The following DMD variants were observed in gnomAD, a reference collection of about 807,000 sequenced individuals.
The protein encoded by DMD is mutant dystrophin.
In DMD, 63 loss-of-function variants were observed where a neutral mutation model predicts 330.1. That is an observed-to-expected ratio of 0.19 (90% CI 0.16 to 0.24). DMD has a LOEUF of 0.24. DMD is among the 10% of genes least tolerant of loss of function. The pLI, the probability that DMD is intolerant of heterozygous loss-of-function variation, is 1.00. For missense variants in DMD, 3,344 were observed against 2,684.1 expected (o/e 1.25, Z -5.43); for synonymous variants, 1,223 against 959.8 (o/e 1.27, Z -5.07).
At chrX:33,113,302 A>C (rs1415746591) in intron 1 of DMD, among the ~76,000 whole-genome samples, 1 of 110,463 alleles carries the variant, frequency 9.1e-6, no homozygotes, top group East Asian at 2.9e-4. Context: ...GGTGATCCGC[A>C]CGCCTCAGCC....
chrX:32,735,971 G>C (rs1357562234), intron 7 of DMD, among the ~76,000 whole-genome samples: 1 of 111,529 alleles, frequency 9.0e-6, no homozygotes, highest in East Asian at 2.8e-4. Context: ...CCATCAGAGT[G>C]AACAGGCAAC....
intron 44 of DMD, among the ~76,000 whole-genome samples, chrX:32,190,585 T>TATATATATATATATATATA (rs1569549819): frequency 2.2e-4 from 21 of 94,283 alleles, no homozygotes; most frequent in South Asian, 5.1e-4. Flanking sequence ...TATATATATA[T>TATATATATATATATATATA]TTCACCACAA....
At chrX:33,256,732 G>GA (rs1476596905) in intron 1 of DMD, among the ~76,000 whole-genome samples, 2 of 109,595 alleles carry the variant, frequency 1.8e-5, no homozygotes, top group African/African-American at 6.6e-5. Flanking sequence ...ATACATTTTA[G>GA]AAAAAATTAA....
At chrX:31,823,478 C>A (rs1310972030) in intron 49 of DMD, among the ~76,000 whole-genome samples, 1 of 111,494 alleles carries the variant, frequency 9.0e-6, no homozygotes, top group Non-Finnish European at 1.9e-5. Flanking sequence ...TTTCTTTTCC[C>A]CCAACTTGAC....
intron 44 of DMD, among the ~76,000 whole-genome samples, chrX:32,107,374 C>G (rs57145987): frequency 0.12 from 9,630 of 81,363 alleles, 667 homozygotes; most frequent in African/African-American, 0.36. Context: ...GTGTGTGTGT[C>G]TCTGTGTGTG....
intron 66 of DMD, 122 bp from the exon 67 acceptor site, chrX:31,204,240 G>T: frequency 1.7e-6 from 1 of 599,083 alleles, no homozygotes; most frequent in Non-Finnish European, 2.8e-6. Flanking sequence ...CCACAGAGTG[G>T]GGTTACTTCT....
intron 44 of DMD, chrX:32,206,668 G>A (rs1171149057): frequency 1.2e-5 from 6 of 501,020 alleles, no homozygotes; most frequent in African/African-American, 6.9e-5. Context: ...CATGAATTAT[G>A]TGAAGAATTG....
chrX:31,867,257 C>T (rs760651226), intron 48 of DMD, among the ~76,000 whole-genome samples: 19 of 106,869 alleles, frequency 1.8e-4, no homozygotes, highest in African/African-American at 5.4e-4. Context: ...AATATTGTTT[C>T]TTATCAGAAT....
intron 4 of DMD, among the ~76,000 whole-genome samples, chrX:32,836,652 C>G (rs5928086): frequency 0.31 from 34,801 of 110,508 alleles, 4,244 homozygotes; most frequent in South Asian, 0.59. Flanking sequence ...AAAATTCAAA[C>G]TCTCAGTACA....
At chrX:33,144,156 G>A (rs944969283) in intron 1 of DMD, among the ~76,000 whole-genome samples, 1 of 111,773 alleles carries the variant, frequency 8.9e-6, no homozygotes, top group African/African-American at 3.3e-5. Context: ...ATAAGAGGTT[G>A]TCTAATCAAA....
chrX:31,284,453 G>A (rs2052869609), intron 62 of DMD, among the ~76,000 whole-genome samples: 1 of 111,306 alleles, frequency 9.0e-6, no homozygotes, highest in East Asian at 2.8e-4. Context: ...TGAGCCTTAG[G>A]GAACTCATTT....
rs773913627 is a variant in DMD at position 31,318,003 on chromosome X, A to G, written c.9224+5595T>C. Among the ~76,000 whole-genome samples, 5 of 112,401 alleles carry G rather than the reference A, an allele frequency of 4.4e-5. No individual in the cohort carries two copies. In the South Asian group the frequency reaches 1.1e-3, roughly 25 times the overall value. ...AATACAGGTACTGAAATAGCAATCA[A>G]TATTATGAAGGAAGAAATCAACCAA... is the stretch of plus-strand genomic sequence containing the variant. On this transcript the variant is annotated intron_variant, in intron 62 of 78. Coordinates refer to ENST00000357033, the MANE Select transcript of DMD (RefSeq NM_004006.3).
At chrX:32,820,779 T>C (rs2078174930) in intron 5 of DMD, among the ~76,000 whole-genome samples, 1 of 111,931 alleles carries the variant, frequency 8.9e-6, no homozygotes, top group African/African-American at 3.2e-5. Flanking sequence ...TCAGAGTGCA[T>C]CAAGAAACTT....
At chrX:31,536,997 A>C (rs1318622819) in intron 55 of DMD, among the ~76,000 whole-genome samples, 1 of 111,186 alleles carries the variant, frequency 9.0e-6, no homozygotes, top group Non-Finnish European at 1.9e-5. Context: ...TCTTAAAATA[A>C]TTGTTTTACA....
At chrX:32,012,095 C>A (rs1603620279) in intron 44 of DMD, among the ~76,000 whole-genome samples, 1 of 112,319 alleles carries the variant, frequency 8.9e-6, no homozygotes, top group South Asian at 3.7e-4. Flanking sequence ...AATGTGATGG[C>A]CATTGCCTTT....
intron 54 of DMD, among the ~76,000 whole-genome samples, chrX:31,650,615 C>T (rs186028970): frequency 1.8e-5 from 2 of 111,963 alleles, no homozygotes; most frequent in East Asian, 5.6e-4. Flanking sequence ...TTTGTAGATA[C>T]AGCATATAAG....
intron 56 of DMD, among the ~76,000 whole-genome samples, chrX:31,499,105 A>G (rs1256353012): frequency 8.9e-6 from 1 of 111,914 alleles, no homozygotes; most frequent in Non-Finnish European, 1.9e-5. Flanking sequence ...AGGTGGAGAG[A>G]GGTAGGGCTC....
At chrX:32,112,063 G>A (rs1343814244) in intron 44 of DMD, among the ~76,000 whole-genome samples, 1 of 111,326 alleles carries the variant, frequency 9.0e-6, no homozygotes, top group East Asian at 2.8e-4. Context: ...TGCATTTATC[G>A]AGCTTTAATT....
At chrX:31,667,177 T>A (rs1173457639) in intron 53 of DMD, among the ~76,000 whole-genome samples, 2 of 111,939 alleles carry the variant, frequency 1.8e-5, no homozygotes, top group South Asian at 7.4e-4. Context: ...AATGTATTGA[T>A]ACAATTTGGG....
Sources: gnomAD v4.1 joint callset for allele counts (sites outside exome capture counted in the v4.1 genomes callset) on GRCh38, gnomAD v4.1.1 for gene constraint, MANE v1.5 for transcripts, NCBI Gene and HGNC (gene_info 2026-07-23, HGNC 2026-07-21) for gene names.